The following CARMIL1 variants were observed in gnomAD, a reference collection of about 807,000 sequenced individuals.
The protein encoded by CARMIL1 is F-actin-uncapping protein LRRC16A.
Under a neutral mutation model 177.1 loss-of-function variants are expected in CARMIL1, and 90 were observed. The observed-to-expected ratio is 0.51, with a 90% CI of 0.43 to 0.61. CARMIL1 has a LOEUF of 0.61. Among genes scored for constraint, CARMIL1 ranks in the 20% least tolerant of loss-of-function variants. The pLI, the probability that CARMIL1 is intolerant of heterozygous loss-of-function variation, is 0.00. For missense variants in CARMIL1, 1,380 were observed against 1,667.0 expected (o/e 0.83, Z 3.00); for synonymous variants, 577 against 606.2 (o/e 0.95, Z 0.71).
intron 2 of CARMIL1, among the ~76,000 whole-genome samples, chr6:25,381,388 C>A (rs1791519838): frequency 1.3e-5 from 2 of 152,184 alleles, no homozygotes; most frequent in Non-Finnish European, 2.9e-5. Context: ...ACACCAACAA[C>A]CAATTCTTCG....
chr6:25,451,995 T>TCCCCCCCCCCCC (rs748360806), intron 8 of CARMIL1: 14 of 144,218 alleles, frequency 9.7e-5, no homozygotes, highest in Non-Finnish European at 1.8e-4. Flanking sequence ...TGCCCCCCCC[T>TCCCCCCCCCCCC]CCCCCCCCCA....
rs181278664 is a variant in CARMIL1 at position 25,459,664 on chromosome 6, G to T, written c.615-6209G>T. ...GGAAAAAGGTTAGTGAATATTAACTGTCTCATATCTCTTCAGTGTTGTGTA... is the reference window on the plus strand; with the variant it reads ...GGAAAAAGGTTAGTGAATATTAACTTTCTCATATCTCTTCAGTGTTGTGTA... On this transcript the variant is annotated intron_variant, in intron 8 of 36. Transcript: ENST00000329474. 5.3e-5 allele frequency among the ~76,000 whole-genome samples: 8 copies of T among 152,244 alleles called. No individual in the cohort carries two copies. The East Asian group carries it at 1.2e-3, about 22-fold the overall frequency.
intron 8 of CARMIL1, 137 bp downstream of exon 8, chr6:25,450,848 C>T (rs1581990862): frequency 1.9e-6 from 1 of 533,854 alleles, no homozygotes; most frequent in Admixed American, 3.0e-5. Context: ...CCCTCCCCTT[C>T]CCTCCCCTCC....
At chr6:25,402,139 C>T (rs1793939126) in intron 2 of CARMIL1, among the ~76,000 whole-genome samples, 1 of 151,512 alleles carries the variant, frequency 6.6e-6, no homozygotes, top group Admixed American at 6.6e-5. Context: ...AATGGTTAAA[C>T]TAATACCAGC....
chr6:25,563,288 T>C (rs1380047707), intron 29 of CARMIL1: 25 of 985,420 alleles, frequency 2.5e-5, no homozygotes, highest in Non-Finnish European at 2.9e-5. Context: ...TATCACTGCT[T>C]TCCAGTTAGA....
chr6:25,551,423 G>T (rs1290031122), intron 27 of CARMIL1, among the ~76,000 whole-genome samples: 1 of 152,120 alleles, frequency 6.6e-6, no homozygotes, highest in Non-Finnish European at 1.5e-5. Flanking sequence ...TGAAGATTGA[G>T]ATCAGTTTGC....
At position 25,367,008 on chromosome 6, in the gene CARMIL1, C is replaced by A. The variant is rs190664118; in HGVS notation, c.139-53106C>A. Among the ~76,000 whole-genome samples, 9 of 152,250 alleles carry A rather than the reference C, an allele frequency of 5.9e-5. No individual in the cohort carries two copies. The East Asian group carries it at 9.6e-4, about 16-fold the overall frequency. On this transcript the variant is annotated intron_variant, in intron 2 of 36. Coordinates refer to ENST00000329474, the MANE Select transcript of CARMIL1 (RefSeq NM_017640.6). ...CATGAGTTCAGTGTTTGCATAACCA[C>A]CTGTGCAGTTACTCATAGTAGCATT...
intron 2 of CARMIL1, chr6:25,388,394 T>A (rs1792397838): frequency 6.6e-6 from 1 of 152,112 alleles, no homozygotes; most frequent in African/African-American, 2.4e-5. Flanking sequence ...TGAGATGAAG[T>A]CTCGCTCTGT....
chr6:25,312,588 T>C (rs766675845), intron 2 of CARMIL1, among the ~76,000 whole-genome samples: 2 of 152,198 alleles, frequency 1.3e-5, no homozygotes, highest in Non-Finnish European at 2.9e-5. Flanking sequence ...TAAACTCAAA[T>C]GTGTCTCTTT....
chr6:25,563,978 CAT>C (rs1260198058), intron 29 of CARMIL1: 2 of 484,674 alleles, frequency 4.1e-6, no homozygotes, highest in African/African-American at 4.2e-5. Flanking sequence ...AATGATCTGA[CAT>C]AAAGTATGAA....
At chr6:25,598,648 G>GT (rs1815083036) in intron 32 of CARMIL1, among the ~76,000 whole-genome samples, 2 of 151,948 alleles carry the variant, frequency 1.3e-5, no homozygotes, top group African/African-American at 4.8e-5. Context: ...TTCCTCAGTT[G>GT]TATCTTCCAA....
intron 9 of CARMIL1, among the ~76,000 whole-genome samples, chr6:25,467,389 CAG>C (rs1300569086): frequency 6.6e-6 from 1 of 152,186 alleles, no homozygotes; most frequent in African/African-American, 2.4e-5. Flanking sequence ...ATTGTGGGAA[CAG>C]AGAGAACAAT....
At chr6:25,403,079 G>C (rs942788015) in intron 2 of CARMIL1, among the ~76,000 whole-genome samples, 121 of 100,774 alleles carry the variant, frequency 1.2e-3, no homozygotes, top group African/African-American at 4.2e-3. Flanking sequence ...CTTCCATAAA[G>C]AGTTTTTTTT....
intron 2 of CARMIL1, among the ~76,000 whole-genome samples, chr6:25,344,094 C>A (rs561587822): frequency 6.6e-6 from 1 of 152,220 alleles, no homozygotes; most frequent in East Asian, 1.9e-4. Flanking sequence ...GGATTTCAGT[C>A]CCCATGTTCA....
At chr6:25,376,733 A>G (rs1791026090) in intron 2 of CARMIL1, among the ~76,000 whole-genome samples, 1 of 152,092 alleles carries the variant, frequency 6.6e-6, no homozygotes, top group Non-Finnish European at 1.5e-5. Context: ...TTATTTACTG[A>G]GTTGAACAGC....
At chr6:25,371,368 A>G (rs188763697) in intron 2 of CARMIL1, among the ~76,000 whole-genome samples, 14 of 152,286 alleles carry the variant, frequency 9.2e-5, no homozygotes, top group African/African-American at 2.2e-4. Context: ...TTACATTCCC[A>G]CCAGCAGTGT....
intron 2 of CARMIL1, among the ~76,000 whole-genome samples, chr6:25,400,729 G>GA (rs1793816051): frequency 6.6e-6 from 1 of 152,162 alleles, no homozygotes; most frequent in Non-Finnish European, 1.5e-5. Flanking sequence ...CACACAGCTG[G>GA]CAACCTTCTT....
At position 25,390,309 on chromosome 6, in the gene CARMIL1, TATATA is replaced by T. The variant is rs1212882456; in HGVS notation, c.139-29804_139-29800del. ...ATATATTTACATATATATATATATA[TATATA>T]TATATATTTTTTTTTTTTTTTTTTT... On this transcript the variant is annotated intron_variant, in intron 2 of 36. Transcript: ENST00000329474. 1.1e-3 allele frequency among the ~76,000 whole-genome samples: 70 copies of T among 64,136 alleles called. 2 individuals carry two copies. Among genetic ancestry groups the T allele is most frequent in the South Asian group, 6.6e-3 (13 of 1,982 alleles). 42.1% of individuals were successfully genotyped at this position (64,136 alleles called of 152,430 possible).
chr6:25,555,778 A>G (rs939711598), intron 28 of CARMIL1, among the ~76,000 whole-genome samples: 1 of 152,192 alleles, frequency 6.6e-6, no homozygotes, highest in African/African-American at 2.4e-5. Flanking sequence ...TAAAATGCTT[A>G]CTTATGACAC....
Sources: allele counts gnomAD v4.1 joint callset (sites outside exome capture counted in the v4.1 genomes callset), GRCh38; gene constraint gnomAD v4.1.1; transcripts MANE v1.5; gene names NCBI Gene and HGNC (gene_info 2026-07-23, HGNC 2026-07-21).